ADAMTS3: variants seen among roughly 807,000 people sequenced by gnomAD.
ADAMTS3 encodes the protein ADAM metallopeptidase with thrombospondin type 1 motif 3.
ADAMTS3 carries 73 observed loss-of-function variants against 129.0 expected under a neutral mutation model. That is an observed-to-expected ratio of 0.57 (90% CI 0.47 to 0.69). The LOEUF is 0.69. Among genes scored for constraint, ADAMTS3 ranks in the 30% least tolerant of loss-of-function variants. ADAMTS3 has a pLI of 0.00. For synonymous variants in ADAMTS3, 477 were observed against 510.8 expected (o/e 0.93, Z 0.89); for missense variants, 1,457 against 1,514.5 (o/e 0.96, Z 0.63).
chr4:72,483,394 T>G (rs907934235), intron 3 of ADAMTS3, among the ~76,000 whole-genome samples: 3 of 152,192 alleles, frequency 2.0e-5, no homozygotes, highest in African/African-American at 7.2e-5. Flanking sequence ...AACTAAATAG[T>G]CTAGCCTTGG....
intron 4 of ADAMTS3, among the ~76,000 whole-genome samples, chr4:72,385,397 T>C (rs1721419980): frequency 6.6e-6 from 1 of 151,782 alleles, no homozygotes; most frequent in African/African-American, 2.4e-5. Flanking sequence ...TTCAATTAAT[T>C]CAAAAGGAGG....
Position 72,290,887 on chromosome 4 carries a change from G to C in ADAMTS3, c.2899C>G (p.Pro967Ala). The C allele has an allele frequency of 6.2e-7, 1 of 1,613,902 alleles. No homozygotes were observed. Among genetic ancestry groups the C allele is most frequent in the Non-Finnish European group, 8.5e-7 (1 of 1,179,924 alleles). ...CAGGGTCCTGTTTTCCACTGTGCAG[G>C]GCAGGGCACTCTGTTACAGGGCCGG... ...SRRPCNRVPC[P>A]AQWKTGPWSE... Residue 967 changes from proline to alanine, a missense_variant, in exon 20 of 22, where the codon CCT becomes GCT. By Grantham distance (27) the Pro-to-Ala change is conservative. Coordinates refer to ENST00000286657, the MANE Select transcript of ADAMTS3 (RefSeq NM_014243.3).
chr4:72,319,411 T>A lies in ADAMTS3; in HGVS notation c.1273A>T (p.Met425Leu). ...AATGCTGCTTGTACCAAGGGAGCCATGACACTTCCCATAGCAGTCTCATCA... is the reference window on the plus strand; with the variant it reads ...AATGCTGCTTGTACCAAGGGAGCCAAGACACTTCCCATAGCAGTCTCATCA... ...CGDETAMGSV[M>L]APLVQAAFHR... Residue 425 changes from methionine (M) to leucine (L), a missense_variant, in exon 9 of 22, where the codon ATG (methionine) becomes TTG (leucine). Met to Leu is a conservative substitution (Grantham distance 15). Transcript: ENST00000286657. 1 of 1,614,020 alleles carries A rather than the reference T, an allele frequency of 6.2e-7. No individual in the cohort carries two copies. Among genetic ancestry groups the A allele is most frequent in the Non-Finnish European group, 8.5e-7 (1 of 1,179,950 alleles).
rs751849767 is a variant in ADAMTS3 at position 72,290,954 on chromosome 4, A to G, written c.2832T>C (p.Ser944=). The G allele has an allele frequency of 1.5e-5, 25 of 1,614,076 alleles. No individual in the cohort carries two copies. Among genetic ancestry groups the G allele is most frequent in the Non-Finnish European group, 2.1e-5 (25 of 1,179,968 alleles). The change falls in exon 20 of 22, where the codon TCT becomes TCC. Residue 944 remains serine, a synonymous_variant. Coordinates refer to ENST00000286657, the MANE Select transcript of ADAMTS3 (RefSeq NM_014243.3). ...LQPLLDGTNR[S]VHSKYCMGDR... is the part of the protein sequence containing the mutation. ...CACCCATGCAGTATTTGCTGTGCAC[A>G]GAGCGGTTGGTGCCATCAAGGAGTG...
At chr4:72,433,607 A>G (rs1722749097) in intron 3 of ADAMTS3, among the ~76,000 whole-genome samples, 1 of 151,966 alleles carries the variant, frequency 6.6e-6, no homozygotes, top group South Asian at 2.1e-4. Context: ...TATGAACATG[A>G]AATTTCGCAC....
In ADAMTS3 at chr4:72,282,182, TG is replaced by T. The variant is rs1369780019; in HGVS notation, c.*953del. 2 of 152,330 alleles carry T rather than the reference TG, an allele frequency of 1.3e-5. No individual in the cohort carries two copies. The highest frequency in any genetic ancestry group is 3.9e-4 in the East Asian group (2 of 5,182). The allele number at this position is 152,330 out of a possible 1,614,324, so 9.4% of individuals were successfully genotyped here. A position where few individuals can be genotyped will look rare whatever the true frequency, so the allele number is the denominator to read the frequency against. The stretch of plus-strand genomic sequence containing the variant: ...TTACAGTACATTGAGTATAACTGTT[TG>T]TATCTGTCAACAATGCGAAAATTAA... On this transcript the variant is annotated 3_prime_UTR_variant, in exon 22 of 22. Coordinates refer to ENST00000286657, the MANE Select transcript of ADAMTS3 (RefSeq NM_014243.3).
chr4:72,501,535 T>C (rs192711249), intron 3 of ADAMTS3, among the ~76,000 whole-genome samples: 59 of 152,268 alleles, frequency 3.9e-4, no homozygotes, highest in African/African-American at 1.2e-3. Flanking sequence ...TTTAGGGTTT[T>C]TTTAGCTCTA....
rs74465762 is a variant in ADAMTS3, at chr4:72,341,007, G to A, written c.662-1314C>T. 2.6e-5 allele frequency among the ~76,000 whole-genome samples: 4 copies of A among 152,110 alleles called. No individual in the cohort carries two copies. In the East Asian group the frequency reaches 7.7e-4, roughly 29 times the overall value. On this transcript the variant is annotated intron_variant, in intron 4 of 21. Transcript: ENST00000286657. ...TTTATATGATGGTTTATTTCATGCT[G>A]CACTGGGGCTTGTTAGCCATTTGAG...
intron 4 of ADAMTS3, among the ~76,000 whole-genome samples, chr4:72,364,817 G>A (rs375315431): frequency 6.6e-6 from 1 of 151,954 alleles, no homozygotes; most frequent in South Asian, 2.1e-4. Flanking sequence ...TCAAACTCAT[G>A]GCCTGAAGTG....
At chr4:72,385,516 C>A (rs1721423723) in intron 4 of ADAMTS3, among the ~76,000 whole-genome samples, 2 of 152,012 alleles carry the variant, frequency 1.3e-5, no homozygotes, top group African/African-American at 4.8e-5. Context: ...AAGTGAAATG[C>A]TCCCTCCAAA....
At chr4:72,370,474 A>C (rs1422125322) in intron 4 of ADAMTS3, among the ~76,000 whole-genome samples, 1 of 152,144 alleles carries the variant, frequency 6.6e-6, no homozygotes, top group Non-Finnish European at 1.5e-5. Context: ...ACATGGGATA[A>C]AGCTTGTTTA....
At chr4:72,445,961 G>C (rs765232577) in intron 3 of ADAMTS3, among the ~76,000 whole-genome samples, 33 of 151,702 alleles carry the variant, frequency 2.2e-4, no homozygotes, top group South Asian at 2.1e-4. Context: ...ATAGTAGCCA[G>C]GATGCTTTGA....
chr4:72,379,803 C>T (rs1159425045), intron 4 of ADAMTS3, among the ~76,000 whole-genome samples: 1 of 151,854 alleles, frequency 6.6e-6, no homozygotes, highest in Non-Finnish European at 1.5e-5. Flanking sequence ...ACTGTAAGGA[C>T]CAAATGAAGT....
At chr4:72,383,438 G>T (rs1428188262) in intron 4 of ADAMTS3, among the ~76,000 whole-genome samples, 1 of 152,156 alleles carries the variant, frequency 6.6e-6, no homozygotes, top group African/African-American at 2.4e-5. Context: ...CTGGCATAAA[G>T]AACCAAAGTA....
chr4:72,514,721 C>T (rs1055583238), intron 3 of ADAMTS3, among the ~76,000 whole-genome samples: 1 of 152,080 alleles, frequency 6.6e-6, no homozygotes, highest in Non-Finnish European at 1.5e-5. Context: ...TAGCTTCTTA[C>T]ACACAGACAA....
At chr4:72,377,571 T>C (rs1280510486) in intron 4 of ADAMTS3, among the ~76,000 whole-genome samples, 1 of 152,154 alleles carries the variant, frequency 6.6e-6, no homozygotes, top group African/African-American at 2.4e-5. Context: ...TCTATATGTG[T>C]CTCTCTGTTC....
intron 17 of ADAMTS3, among the ~76,000 whole-genome samples, chr4:72,300,649 T>C (rs567284159): frequency 1.3e-5 from 2 of 152,214 alleles, no homozygotes; most frequent in South Asian, 2.1e-4. Flanking sequence ...CTGGACATTG[T>C]GATGGTTTAA....
intron 15 of ADAMTS3, among the ~76,000 whole-genome samples, chr4:72,306,736 G>A (rs1402158506): frequency 1.3e-5 from 2 of 151,882 alleles, no homozygotes; most frequent in Non-Finnish European, 2.9e-5. Flanking sequence ...GTTATGCATT[G>A]CCTTTATATG....
At chr4:72,517,049 C>T (rs149713632) in intron 3 of ADAMTS3, among the ~76,000 whole-genome samples, 45,033 of 151,324 alleles carry the variant, frequency 0.3, 6,854 homozygotes, top group Middle Eastern at 0.35. Context: ...GCATGAAGGG[C>T]TGTTGAATTT....
Sources: allele counts gnomAD v4.1 joint callset (sites outside exome capture counted in the v4.1 genomes callset), GRCh38; gene constraint gnomAD v4.1.1; transcripts MANE v1.5; gene names NCBI Gene and HGNC (gene_info 2026-07-23, HGNC 2026-07-21).